TNNI3K: variants seen among roughly 807,000 people sequenced by gnomAD.
TNNI3K encodes the protein serine/threonine-protein kinase TNNI3K.
TNNI3K carries 140 observed loss-of-function variants against 114.5 expected under a neutral mutation model. The ratio of observed to expected loss-of-function variants is 1.22; its 90% CI spans 1.07 to 1.41. The LOEUF (loss-of-function observed/expected upper bound fraction) is 1.41. Ranked by LOEUF, TNNI3K falls within the 40% of genes most tolerant of loss-of-function variation. The pLI is 0.00. For synonymous variants in TNNI3K, 347 were observed against 347.5 expected, an observed-to-expected ratio of 1.00 and a Z score of 0.02; for missense variants, 1,125 against 1,007.6, an observed-to-expected ratio of 1.12 and a Z score of -1.58.
chr1:74,491,205 A>G (rs2100301129), intron 22 of TNNI3K, among the ~76,000 whole-genome samples: 1 of 152,268 alleles, frequency 6.6e-6, no homozygotes, highest in East Asian at 1.9e-4. Context: ...AATTAGGGTG[A>G]GTCCAACAGG....
chr1:74,323,223 C>G (rs1288394912), intron 5 of TNNI3K, among the ~76,000 whole-genome samples: 1 of 152,118 alleles, frequency 6.6e-6, no homozygotes, highest in Admixed American at 6.5e-5. Context: ...GAAGGAATTA[C>G]TAGCTGGCCC....
At chr1:74,385,591 G>A (rs550262736) in intron 17 of TNNI3K, among the ~76,000 whole-genome samples, 1 of 152,184 alleles carries the variant, frequency 6.6e-6, no homozygotes, top group South Asian at 2.1e-4. Context: ...AGCTAAAGGA[G>A]AAAAATCAAC....
chr1:74,355,550 G>T (rs2100484999), intron 11 of TNNI3K, among the ~76,000 whole-genome samples: 1 of 152,202 alleles, frequency 6.6e-6, no homozygotes, highest in Non-Finnish European at 1.5e-5. Context: ...GTTGTGGTGA[G>T]CTGAGATCAT....
intron 20 of TNNI3K, among the ~76,000 whole-genome samples, chr1:74,443,913 T>G (rs1666502768): frequency 2.6e-5 from 4 of 152,188 alleles, no homozygotes; most frequent in Admixed American, 2.6e-4. Flanking sequence ...AGAAACCTCA[T>G]GATTATCTCA....
chr1:74,400,816 A>G (rs751263032), intron 17 of TNNI3K, among the ~76,000 whole-genome samples: 4 of 152,192 alleles, frequency 2.6e-5, no homozygotes, highest in Non-Finnish European at 5.9e-5. Context: ...GTCTGGTGGT[A>G]TTGTGGAAAG....
chr1:74,447,451 A>G (rs1294723791), intron 20 of TNNI3K, among the ~76,000 whole-genome samples: 3 of 145,366 alleles, frequency 2.1e-5, no homozygotes, highest in Non-Finnish European at 3.0e-5. Flanking sequence ...TGGGCGAAGG[A>G]CATGAACAGA....
At chr1:74,256,013 C>G (rs977834459) in intron 4 of TNNI3K, among the ~76,000 whole-genome samples, 1 of 152,116 alleles carries the variant, frequency 6.6e-6, no homozygotes, top group Non-Finnish European at 1.5e-5. Context: ...TTACCATTTA[C>G]CTGCTGATGG....
chr1:74,336,256 T>C, intron 7 of TNNI3K, 107 bp downstream of exon 7: 2 of 1,365,380 alleles, frequency 1.5e-6, no homozygotes, highest in Non-Finnish European at 1.9e-6. Context: ...AATCCTGTAG[T>C]CATGTACTTA....
chr1:74,296,190 G>C (rs565744019), intron 5 of TNNI3K, among the ~76,000 whole-genome samples: 1 of 152,018 alleles, frequency 6.6e-6, no homozygotes, highest in Non-Finnish European at 1.5e-5. Context: ...GCAGGAGAAT[G>C]GTGTGAACCT....
intron 17 of TNNI3K, among the ~76,000 whole-genome samples, chr1:74,434,453 A>G (rs1252761394): frequency 1.3e-5 from 2 of 151,902 alleles, no homozygotes; most frequent in Non-Finnish European, 2.9e-5. Flanking sequence ...ACTATATCCC[A>G]GTATAAAGAA....
At chr1:74,333,609 TG>T (rs1377798096) in intron 6 of TNNI3K, among the ~76,000 whole-genome samples, 2 of 152,364 alleles carry the variant, frequency 1.3e-5, no homozygotes, top group African/African-American at 4.8e-5. Context: ...ACTCACTTTC[TG>T]TGTGTGAAGG....
intron 5 of TNNI3K, among the ~76,000 whole-genome samples, chr1:74,330,859 A>G (rs1247345714): frequency 6.6e-6 from 1 of 152,202 alleles, no homozygotes; most frequent in African/African-American, 2.4e-5. Context: ...CACATGCTAG[A>G]GTAAGAGTAT....
intron 4 of TNNI3K, among the ~76,000 whole-genome samples, chr1:74,253,246 C>T (rs1424261238): frequency 6.6e-6 from 1 of 152,170 alleles, no homozygotes; most frequent in Non-Finnish European, 1.5e-5. Flanking sequence ...TCCAAGTCCC[C>T]ACTAGACTCA....
intron 5 of TNNI3K, among the ~76,000 whole-genome samples, chr1:74,273,146 G>A (rs751837842): frequency 1.3e-5 from 2 of 151,940 alleles, no homozygotes; most frequent in Non-Finnish European, 2.9e-5. Flanking sequence ...TCCCTTAACA[G>A]TGTCACTTCA....
At chr1:74,473,652 A>G (rs756823746) in intron 21 of TNNI3K, among the ~76,000 whole-genome samples, 1 of 152,038 alleles carries the variant, frequency 6.6e-6, no homozygotes, top group Admixed American at 6.6e-5. Flanking sequence ...TTTCCCCAAG[A>G]GGTAAACTAA....
intron 23 of TNNI3K, among the ~76,000 whole-genome samples, chr1:74,535,860 C>G (rs1646655314): frequency 1.3e-5 from 2 of 152,154 alleles, no homozygotes; most frequent in South Asian, 4.1e-4. Context: ...CCCCTTCTTA[C>G]TTACAAAGCA....
intron 5 of TNNI3K, among the ~76,000 whole-genome samples, chr1:74,298,199 A>G (rs1201638848): frequency 6.6e-6 from 1 of 152,196 alleles, no homozygotes; most frequent in African/African-American, 2.4e-5. Context: ...AGCATACAAT[A>G]GTAGAGTAGG....
intron 17 of TNNI3K, chr1:74,377,036 C>T (rs1453210113): frequency 6.6e-6 from 1 of 151,960 alleles, no homozygotes; most frequent in Non-Finnish European, 1.5e-5. Context: ...ATCAGAATCT[C>T]CAGTCTTGGG....
chr1:74,400,756 G>C (rs987278642), intron 17 of TNNI3K, among the ~76,000 whole-genome samples: 1 of 152,132 alleles, frequency 6.6e-6, no homozygotes, highest in Non-Finnish European at 1.5e-5. Flanking sequence ...AACATTACTG[G>C]TGAGTCAAAC....
Sources: gnomAD v4.1 joint callset for allele counts (sites outside exome capture counted in the v4.1 genomes callset) on GRCh38, gnomAD v4.1.1 for gene constraint, MANE v1.5 for transcripts, NCBI Gene and HGNC (gene_info 2026-07-23, HGNC 2026-07-21) for gene names.